KPNA1: variants seen among roughly 807,000 people sequenced by gnomAD.
KPNA1 encodes the protein karyopherin subunit alpha 1.
KPNA1 carries 10 observed loss-of-function variants against 70.5 expected under a neutral mutation model. The observed-to-expected ratio is 0.14, with a 90% CI of 0.09 to 0.24. The LOEUF (loss-of-function observed/expected upper bound fraction) is 0.24. KPNA1 is among the 10% of genes least tolerant of loss of function. The probability of loss-of-function intolerance (pLI) is 1.00; values close to 1 mark genes in which losing one functional copy is unlikely to be tolerated. For missense variants in KPNA1, 397 were observed against 637.9 expected (o/e 0.62, Z 4.07); for synonymous variants, 192 against 221.9 (o/e 0.87, Z 1.20).
intron 1 of KPNA1, among the ~76,000 whole-genome samples, chr3:122,497,266 A>G (rs2076774768): frequency 6.6e-6 from 1 of 152,084 alleles, no homozygotes; most frequent in African/African-American, 2.4e-5. Context: ...TCAGTACTTC[A>G]TTTCTTTTTA....
At chr3:122,437,060 A>C in intron 11 of KPNA1, 110 bp downstream of exon 11, 105 of 1,066,252 alleles carry the variant, frequency 9.8e-5, no homozygotes, top group Non-Finnish European at 1.3e-4. Context: ...GATTACAGGC[A>C]GGAGCCACCG....
In KPNA1 at chr3:122,426,034, C is replaced by G. The variant is rs969283740; in HGVS notation, c.*951G>C. The G allele has an allele frequency of 6.6e-6, 1 of 152,456 alleles. No individual in the cohort carries two copies. The highest frequency in any genetic ancestry group is 1.5e-5 in the Non-Finnish European group (1 of 68,010). The allele number at this position is 152,456 out of a possible 1,614,324, so 9.4% of individuals were successfully genotyped here. On this transcript the variant is annotated 3_prime_UTR_variant, in exon 14 of 14. Coordinates refer to ENST00000344337, the MANE Select transcript of KPNA1 (RefSeq NM_002264.4). ...TTGATCAGGACCACAAAGCCTGAAA[C>G]ATTTATTTTAATGCAGAAACACAGC...
At chr3:122,503,957 G>A (rs964821764) in intron 1 of KPNA1, among the ~76,000 whole-genome samples, 1 of 152,154 alleles carries the variant, frequency 6.6e-6, no homozygotes, top group Non-Finnish European at 1.5e-5. Context: ...GGGAAGGCAG[G>A]ATTAACAGGT....
intron 12 of KPNA1, among the ~76,000 whole-genome samples, chr3:122,429,923 GCTTT>G (rs1332581763): frequency 5.9e-5 from 9 of 151,918 alleles, no homozygotes; most frequent in African/African-American, 1.7e-4. Flanking sequence ...TGCCATTTAG[GCTTT>G]CTTTTTTAAT....
chr3:122,464,154 TTACA>T (rs1329382824), intron 3 of KPNA1, 113 bp from the exon 4 acceptor site: 1 of 495,830 alleles, frequency 2.0e-6, no homozygotes, highest in East Asian at 3.0e-5. Flanking sequence ...TCCCCAGAAG[TTACA>T]TAAAGGTAGG....
chr3:122,504,329 G>T (rs2076864675), intron 1 of KPNA1, among the ~76,000 whole-genome samples: 1 of 152,148 alleles, frequency 6.6e-6, no homozygotes, highest in Non-Finnish European at 1.5e-5. Flanking sequence ...TCACATAGCA[G>T]AAGGGGCTAA....
rs1398957671 is a variant in KPNA1, at chr3:122,496,493, G to A, written c.73C>T (p.Arg25Cys). 1.9e-6 allele frequency: 3 copies of A among 1,613,452 alleles called. No homozygotes were observed. The highest frequency in any genetic ancestry group is 2.2e-5 in the East Asian group (1 of 44,884). ...KNKSLNPDEM[R>C]RRREEEGLQL... is the part of the protein sequence containing the mutation. ...AGTCCTTCTTCCTCCCTCCTCCTGC[G>A]CATCTCATCGGGATTCAGAGATTTG... Residue 25 changes from arginine to cysteine, a missense_variant, in exon 2 of 14, where the codon CGC (arginine) becomes TGC (cysteine). Coordinates refer to ENST00000344337, the MANE Select transcript of KPNA1 (RefSeq NM_002264.4).
intron 8 of KPNA1, 123 bp downstream of exon 8, chr3:122,451,411 A>T (rs1330526711): frequency 3.3e-6 from 2 of 600,534 alleles, no homozygotes; most frequent in East Asian, 5.6e-5. Flanking sequence ...TTTCTCCAAA[A>T]ACAGATAAAA....
chr3:122,455,552 A>ATTTTCTTTT (rs539311479), intron 5 of KPNA1, among the ~76,000 whole-genome samples: 200 of 151,818 alleles, frequency 1.3e-3, no homozygotes, highest in African/African-American at 4.6e-3. Flanking sequence ...CGTACTTTAT[A>ATTTTCTTTT]TTTTCTTTTT....
At chr3:122,442,219 G>C in intron 9 of KPNA1, 103 bp from the exon 10 acceptor site, 1 of 841,968 alleles carries the variant, frequency 1.2e-6, no homozygotes, top group Non-Finnish European at 2.0e-6. Context: ...TAGAATTTTA[G>C]AGCAGAAATG....
chr3:122,463,148 G>A (rs1329802189), intron 4 of KPNA1, among the ~76,000 whole-genome samples: 3 of 151,980 alleles, frequency 2.0e-5, no homozygotes, highest in Non-Finnish European at 2.9e-5. Context: ...TCAGGAGATC[G>A]AGATCCTGGC....
At chr3:122,454,942 A>G (rs1376089390) in intron 5 of KPNA1, among the ~76,000 whole-genome samples, 16 of 152,244 alleles carry the variant, frequency 1.1e-4, no homozygotes, top group Admixed American at 8.5e-4. Context: ...GAAATCCAAT[A>G]ATGAACTCTT....
intron 11 of KPNA1, among the ~76,000 whole-genome samples, chr3:122,435,868 G>A (rs1455096251): frequency 6.6e-6 from 1 of 151,244 alleles, no homozygotes; most frequent in Non-Finnish European, 1.5e-5. Context: ...GCATCATAAA[G>A]CATGTGTGTT....
Position 122,444,629 on chromosome 3 carries a change from G to A in KPNA1, c.918-2513C>T, listed in dbSNP as rs554399918. Among the ~76,000 whole-genome samples, 3 of 152,296 alleles carry A rather than the reference G, an allele frequency of 2.0e-5. No homozygotes were observed. The East Asian group carries it at 5.8e-4, about 29-fold the overall frequency. On this transcript the variant is annotated intron_variant, in intron 9 of 13. Coordinates refer to ENST00000344337, the MANE Select transcript of KPNA1 (RefSeq NM_002264.4). ...CTAACTGGGAGACACCTCCAAGTAG[G>A]GGCCGAGAGACACCTCATACAGGCG... is the stretch of plus-strand genomic sequence containing the variant.
At chr3:122,501,030 C>CTTT (rs112073834) in intron 1 of KPNA1, among the ~76,000 whole-genome samples, 2 of 126,872 alleles carry the variant, frequency 1.6e-5, no homozygotes, top group East Asian at 2.3e-4. Context: ...CTTTTCTTTC[C>CTTT]TTTTTTTTTT....
intron 2 of KPNA1, among the ~76,000 whole-genome samples, chr3:122,494,323 G>A (rs1184788092): frequency 1.3e-5 from 2 of 152,048 alleles, no homozygotes; most frequent in Admixed American, 1.3e-4. Context: ...GTATATGGTA[G>A]GGGTACAGTT....
Position 122,498,950 on chromosome 3 carries a change from C to T in KPNA1, c.-5-2380G>A, listed in dbSNP as rs1257357920. Among the ~76,000 whole-genome samples the T allele has an allele frequency of 2.6e-5, 4 of 152,242 alleles. No homozygotes were observed. The East Asian group carries it at 5.8e-4, about 22-fold the overall frequency. On this transcript the variant is annotated intron_variant, in intron 1 of 13. Transcript: ENST00000344337. Reference sequence around the variant, plus strand: ...TGTAGCTTTCAGAATATGTTTTATACTTTTGTTAAATTCATTCCTAAGTAT... The same window carrying T: ...TGTAGCTTTCAGAATATGTTTTATATTTTTGTTAAATTCATTCCTAAGTAT...
chr3:122,482,838 G>A (rs1166029112), intron 2 of KPNA1, among the ~76,000 whole-genome samples: 3 of 152,178 alleles, frequency 2.0e-5, no homozygotes, highest in Admixed American at 6.5e-5. Context: ...AGAATGTAAA[G>A]ATGACCTAAC....
At chr3:122,460,955 C>T (rs1367090884) in intron 5 of KPNA1, among the ~76,000 whole-genome samples, 1 of 152,102 alleles carries the variant, frequency 6.6e-6, no homozygotes, top group African/African-American at 2.4e-5. Flanking sequence ...GTAATGGCTC[C>T]TCTGCTGTAA....
Sources: allele counts gnomAD v4.1 joint callset (sites outside exome capture counted in the v4.1 genomes callset), GRCh38; gene constraint gnomAD v4.1.1; transcripts MANE v1.5; gene names NCBI Gene and HGNC (gene_info 2026-07-23, HGNC 2026-07-21).